MCM9: variants seen among roughly 807,000 people sequenced by gnomAD.
MCM9 encodes the protein minichromosome maintenance 9 homologous recombination repair factor, also known as DNA helicase MCM9.
Under a neutral mutation model 72.8 loss-of-function variants are expected in MCM9, and 55 were observed. The ratio of observed to expected loss-of-function variants is 0.76; its 90% confidence interval spans 0.61 to 0.95. MCM9 has a LOEUF of 0.95. MCM9 is among the 40% of genes least tolerant of loss of function. The pLI, the probability that MCM9 is intolerant of heterozygous loss-of-function variation, is 0.00. For synonymous variants in MCM9, 480 were observed against 503.4 expected (o/e 0.95, Z 0.62); for missense variants, 1,279 against 1,377.0 (o/e 0.93, Z 1.13).
chr6:118,934,835 T>C (rs1021316930), intron 1 of MCM9, 56 bp downstream of exon 1: 2 of 152,262 alleles, frequency 1.3e-5, no homozygotes, highest in African/African-American at 4.8e-5. Flanking sequence ...GGAACGAGAC[T>C]TGGGACGAAC....
intron 9 of MCM9, among the ~76,000 whole-genome samples, chr6:118,853,986 G>A (rs978200659): frequency 6.6e-6 from 1 of 152,108 alleles, no homozygotes; most frequent in African/African-American, 2.4e-5. Context: ...AATTTATCCT[G>A]AAATACTTCC....
At chr6:118,857,193 AC>A (rs1322924905) in intron 8 of MCM9, among the ~76,000 whole-genome samples, 1 of 152,200 alleles carries the variant, frequency 6.6e-6, no homozygotes, top group Admixed American at 6.5e-5. Flanking sequence ...GAGGGTGTGT[AC>A]TATACGCTGT....
At chr6:118,916,086 G>A (rs1780920617) in intron 6 of MCM9, among the ~76,000 whole-genome samples, 1 of 151,910 alleles carries the variant, frequency 6.6e-6, no homozygotes, top group Admixed American at 6.6e-5. Context: ...TGTTCAGGCT[G>A]GGCACAGTGT....
chr6:118,907,732 G>A (rs1371435442), intron 8 of MCM9: 2 of 749,404 alleles, frequency 2.7e-6, no homozygotes, highest in Non-Finnish European at 2.1e-6. Context: ...AAAACATCCT[G>A]TAGAAAGTTT....
chr6:118,846,102 A>G (rs1304307495), intron 9 of MCM9, among the ~76,000 whole-genome samples: 6 of 150,600 alleles, frequency 4.0e-5, no homozygotes, highest in Non-Finnish European at 7.4e-5. Context: ...GTTAAATAAT[A>G]TAAGAAAGAA....
At position 118,887,666 on chromosome 6, in the gene MCM9, C is replaced by T. The variant is rs1389091958; in HGVS notation, c.1150+23984G>A. On this transcript the variant is annotated intron_variant, in intron 8 of 13. Coordinates refer to ENST00000619706, the MANE Select transcript of MCM9 (RefSeq NM_017696.3). The stretch of plus-strand genomic sequence containing the variant: ...TTAAAAGCTTTTACACTGCAAAGGA[C>T]ACCACCAAGAAAATTAAAAGATAAT... Among the ~76,000 whole-genome samples the T allele has an allele frequency of 3.3e-5, 5 of 152,136 alleles. No homozygotes were observed. The South Asian group carries it at 8.3e-4, about 25-fold the overall frequency.
intron 8 of MCM9, among the ~76,000 whole-genome samples, chr6:118,898,498 C>T (rs1165752775): frequency 6.7e-6 from 1 of 150,190 alleles, no homozygotes; most frequent in Non-Finnish European, 1.5e-5. Context: ...GATCTCGGCT[C>T]ACTGCAACCT....
intron 9 of MCM9, among the ~76,000 whole-genome samples, chr6:118,848,614 G>T (rs1453053502): frequency 6.6e-6 from 1 of 151,484 alleles, no homozygotes; most frequent in Non-Finnish European, 1.5e-5. Context: ...GAAAAAGTTT[G>T]CCAACCCCTA....
chr6:118,850,613 G>A (rs1178801802), intron 9 of MCM9, among the ~76,000 whole-genome samples: 1 of 151,562 alleles, frequency 6.6e-6, no homozygotes, highest in African/African-American at 2.4e-5. Context: ...ATTTTGCTTT[G>A]CTTTAAATGA....
At chr6:118,897,339 G>A (rs561664558) in intron 8 of MCM9, among the ~76,000 whole-genome samples, 1 of 151,994 alleles carries the variant, frequency 6.6e-6, no homozygotes, top group African/African-American at 2.4e-5. Context: ...TTCTAATATA[G>A]GGCTTATATC....
intron 9 of MCM9, among the ~76,000 whole-genome samples, chr6:118,841,533 G>A (rs1286673935): frequency 1.3e-5 from 2 of 152,194 alleles, no homozygotes; most frequent in East Asian, 3.9e-4. Context: ...AGATCAACAA[G>A]ACCCAAAGTA....
In MCM9 at chr6:118,815,627, G is replaced by C. The variant is rs1320019422; in HGVS notation, c.2629C>G (p.Gln877Glu). ...PAQCTVPSHP[Q>E]STPVHSPDRM... ...TCTGGGCTATGTACAGGAGTGGACT[G>C]AGGATGGGAAGGGACTGTGCACTGT... The change falls in exon 14 of 14, where the codon CAG (glutamine) becomes GAG (glutamate). Residue 877 changes from glutamine to glutamate, a missense_variant. By Grantham distance (29) the Gln-to-Glu change is conservative. Coordinates refer to ENST00000619706, the MANE Select transcript of MCM9 (RefSeq NM_017696.3). The C allele has an allele frequency of 6.5e-7, 1 of 1,550,380 alleles. No homozygotes were observed. Among genetic ancestry groups the C allele is most frequent in the East Asian group, 2.4e-5 (1 of 40,920 alleles).
intron 8 of MCM9, chr6:118,907,630 T>A: frequency 6.3e-7 from 1 of 1,585,956 alleles, no homozygotes; most frequent in East Asian, 2.2e-5. Context: ...TACCATCCCT[T>A]TAGTACAAAT....
chr6:118,930,198 C>A (rs1274355016), intron 3 of MCM9, among the ~76,000 whole-genome samples: 2 of 152,170 alleles, frequency 1.3e-5, no homozygotes, highest in Non-Finnish European at 2.9e-5. Flanking sequence ...GCAAGCTCCG[C>A]CTCCTGGGTT....
chr6:118,914,232 A>T (rs1422684486), intron 6 of MCM9, among the ~76,000 whole-genome samples: 2 of 152,196 alleles, frequency 1.3e-5, no homozygotes, highest in African/African-American at 4.8e-5. Flanking sequence ...TCTTCTGATC[A>T]TGTGCTTTAA....
intron 8 of MCM9, among the ~76,000 whole-genome samples, chr6:118,886,806 A>T (rs904363359): frequency 5.3e-5 from 8 of 151,962 alleles, no homozygotes; most frequent in African/African-American, 1.9e-4. Flanking sequence ...AATTTCAAAA[A>T]ATTAGCCGGA....
In MCM9 at chr6:118,826,142, C is replaced by T; in HGVS notation, c.1961+5G>A. On this transcript the variant is annotated splice_donor_5th_base_variant and intron_variant, in intron 13 of 13. Transcript: ENST00000619706. Reference sequence around the variant, plus strand: ...TGTATGCCTTTCTGGGTTTTCATTCCTCACCTTTCAAGTCTTCTAAGCTCT... The same window carrying T: ...TGTATGCCTTTCTGGGTTTTCATTCTTCACCTTTCAAGTCTTCTAAGCTCT... The T allele has an allele frequency of 6.5e-7, 1 of 1,543,638 alleles. No homozygotes were observed. The highest frequency in any genetic ancestry group is 8.7e-7 in the Non-Finnish European group (1 of 1,144,880).
chr6:118,860,469 CA>C (rs1205952960), intron 8 of MCM9, among the ~76,000 whole-genome samples: 2 of 151,876 alleles, frequency 1.3e-5, no homozygotes, highest in Non-Finnish European at 2.9e-5. Flanking sequence ...GGGACAACTA[CA>C]AAAGGTGTAA....
intron 8 of MCM9, among the ~76,000 whole-genome samples, chr6:118,872,287 C>A (rs1319601992): frequency 6.8e-6 from 1 of 147,914 alleles, no homozygotes; most frequent in Non-Finnish European, 1.5e-5. Context: ...CCACTGCACT[C>A]CAGCCTGGGC....
Sources: gnomAD v4.1 joint callset for allele counts (sites outside exome capture counted in the v4.1 genomes callset) on GRCh38, gnomAD v4.1.1 for gene constraint, MANE v1.5 for transcripts, NCBI Gene and HGNC (gene_info 2026-07-23, HGNC 2026-07-21) for gene names.